OR51A4: variants seen among roughly 807,000 people sequenced by gnomAD.
OR51A4 encodes the protein olfactory receptor family 51 subfamily A member 4.
For missense variants in OR51A4, 243 were observed against 364.0 expected (o/e 0.67, Z 2.70); for synonymous variants, 96 against 141.5 (o/e 0.68, Z 2.28).
rs1846317244 is a variant in OR51A4 at position 4,946,788 on chromosome 11, A to C, written c.313T>G (p.Phe105Val). The C allele has an allele frequency of 6.3e-7, 1 of 1,587,686 alleles. No individual in the cohort carries two copies. Among genetic ancestry groups the C allele is most frequent in the Non-Finnish European group, 8.6e-7 (1 of 1,160,788 alleles). Reference protein sequence around the residue: ...SSNACFAQEFFIHGFSVLESS... With the variant: ...SSNACFAQEFVIHGFSVLESS... ...TCCAGTACTGAGAATCCATGAATGA[A>C]GAATTCCTGGGCAAAGCAGGCATTG... The change falls in exon 2 of 2, where the codon TTC becomes GTC. Residue 105 changes from phenylalanine (F) to valine (V), a missense_variant. By Grantham distance (50) the Phe-to-Val change is conservative (BLOSUM62 -1). Transcript: ENST00000641898.
Position 4,946,219 on chromosome 11 carries a change from A to T in OR51A4, c.882T>A (p.Cys294Ter). The T allele has an allele frequency of 6.2e-7, 1 of 1,614,070 alleles. No homozygotes were observed. Among genetic ancestry groups the T allele is most frequent in the Non-Finnish European group, 8.5e-7 (1 of 1,180,036 alleles). Residue 294 changes from cysteine to a stop codon, truncating the protein, a stop_gained, in exon 2 of 2, where the codon TGT becomes TGA. Coordinates refer to ENST00000641898, the MANE Select transcript of OR51A4 (RefSeq NM_001005329.2). LOFTEE classifies it low-confidence loss of function (END_TRUNC). ...VPPLTNPIVY[C>*]VKTKQIRVRV... ...TCACTCTAATCTGTTTAGTTTTTACACAATAAACAATTGGGTTCGTCAGTG... is the reference window on the plus strand; with the variant it reads ...TCACTCTAATCTGTTTAGTTTTTACTCAATAAACAATTGGGTTCGTCAGTG...
In OR51A4 at chr11:4,946,167, T is replaced by A; in HGVS notation, c.934A>T (p.Lys312Ter). Residue 312 changes from lysine to a stop codon, truncating the protein, a stop_gained, in exon 2 of 2, where the codon AAG (lysine) becomes TAG (stop). Coordinates refer to ENST00000641898, the MANE Select transcript of OR51A4 (RefSeq NM_001005329.2). LOFTEE classifies it high-confidence loss of function. ...VRVVAKLCQR[K>*]I Reference sequence around the variant, plus strand: ...TCTGTCACATATGACTGTTAAATCTTCCGTTGACACAATTTTGCTACAACT... The same window carrying A: ...TCTGTCACATATGACTGTTAAATCTACCGTTGACACAATTTTGCTACAACT... 2 of 1,613,756 alleles carry A rather than the reference T, an allele frequency of 1.2e-6. No individual in the cohort carries two copies. Among genetic ancestry groups the A allele is most frequent in the Non-Finnish European group, 8.5e-7 (1 of 1,179,802 alleles).
Position 4,946,461 on chromosome 11 carries a change from G to C in OR51A4, c.640C>G (p.Leu214Val), listed in dbSNP as rs1846307060. The change falls in exon 2 of 2, where the codon CTC becomes GTC. Residue 214 changes from leucine (L) to valine (V), a missense_variant. Leu to Val is a conservative substitution (Grantham distance 32). Coordinates refer to ENST00000641898, the MANE Select transcript of OR51A4 (RefSeq NM_001005329.2). The part of the protein sequence containing the change: ...GALCLMVDFI[L>V]IAVSYTLILK... ...ATCAGGGTGTAAGACACAGCAATGA[G>C]AATAAAGTCTACCATAAGGCAGAGT... 1 of 1,609,484 alleles carries C rather than the reference G, an allele frequency of 6.2e-7. No individual in the cohort carries two copies. Among genetic ancestry groups the C allele is most frequent in the African/African-American group, 1.3e-5 (1 of 74,470 alleles).
rs148009587 is a variant in OR51A4 at position 4,943,581 on chromosome 11, C to T, written c.*2578G>A. On this transcript the variant is annotated 3_prime_UTR_variant, in exon 2 of 2. Transcript: ENST00000641898. The stretch of plus-strand genomic sequence containing the variant: ...ATTAAAGAATGGTTAGTAGCGTCTC[C>T]GGCCTCTAATCAGTGGAAGTCAGTG... The T allele has an allele frequency of 3.5e-5, 15 of 422,736 alleles. No homozygotes were observed. Among genetic ancestry groups the T allele is most frequent in the South Asian group, 1.7e-4 (10 of 58,574 alleles). 26.2% of individuals were successfully genotyped at this position (422,736 alleles called of 1,614,324 possible).
chr11:4,945,735 T>C lies in OR51A4; in HGVS notation c.*424A>G, dbSNP rs76530186. ...AGCACATGTATCCCAATATGGAATATAAATGATTAAATTAAAAAAATGGTT... is the reference window on the plus strand; with the variant it reads ...AGCACATGTATCCCAATATGGAATACAAATGATTAAATTAAAAAAATGGTT... On this transcript the variant is annotated 3_prime_UTR_variant, in exon 2 of 2. Coordinates refer to ENST00000641898, the MANE Select transcript of OR51A4 (RefSeq NM_001005329.2). 1,527 of 231,208 alleles carry C rather than the reference T, an allele frequency of 6.6e-3. 22 individuals are homozygous for C. The highest frequency in any genetic ancestry group is 0.034 in the African/African-American group (1,447 of 42,434). 14.3% of individuals were successfully genotyped at this position (231,208 alleles called of 1,614,324 possible). A position where few individuals can be genotyped will look rare whatever the true frequency, so the allele number is the denominator to read the frequency against.
rs1218806561 is a variant in OR51A4, at chr11:4,943,823, CTTTAT to C, written c.*2331_*2335del. The stretch of plus-strand genomic sequence containing the variant: ...ACCTCCCCCATTGAGATTTATGTAT[CTTTAT>C]TTTATTTTTCATTTCATTTTATTAA... On this transcript the variant is annotated 3_prime_UTR_variant, in exon 2 of 2. Coordinates refer to ENST00000641898, the MANE Select transcript of OR51A4 (RefSeq NM_001005329.2). The C allele has an allele frequency of 2.3e-6, 1 of 442,672 alleles. No individual in the cohort carries two copies. Among genetic ancestry groups the C allele is most frequent in the Non-Finnish European group, 4.5e-6 (1 of 222,090 alleles). The allele number at this position is 442,672 out of a possible 1,614,324, so 27.4% of individuals were successfully genotyped here.
In OR51A4 at chr11:4,946,965, T is replaced by C; in HGVS notation, c.136A>G (p.Thr46Ala). 1 of 1,604,304 alleles carries C rather than the reference T, an allele frequency of 6.2e-7. No individual in the cohort carries two copies. The highest frequency in any genetic ancestry group is 1.4e-5 in the African/African-American group (1 of 72,806). ...TCTGTCTTGATGATAAAAAGAATGG[T>C]GCCATTTCCTAGAATAGCAATAAGA... ...MYLIAILGNG[T>A]ILFIIKTEPS... The change falls in exon 2 of 2, where the codon ACC (threonine) becomes GCC (alanine). Residue 46 changes from threonine (T) to alanine (A), a missense_variant. By Grantham distance (58) the Thr-to-Ala change is moderately conservative. Coordinates refer to ENST00000641898, the MANE Select transcript of OR51A4 (RefSeq NM_001005329.2).
chr11:4,946,956 A>T lies in OR51A4; in HGVS notation c.145T>A (p.Phe49Ile). ...AAGGAGGGCTCTGTCTTGATGATAA[A>T]AAGAATGGTGCCATTTCCTAGAATA... ...IAILGNGTIL[F>I]IIKTEPSLHE... Residue 49 changes from phenylalanine to isoleucine, a missense_variant, in exon 2 of 2, where the codon TTT (phenylalanine) becomes ATT (isoleucine). By Grantham distance (21) the Phe-to-Ile change is conservative (BLOSUM62 0). Transcript: ENST00000641898. 1.2e-6 allele frequency: 2 copies of T among 1,605,586 alleles called. No homozygotes were observed. Among genetic ancestry groups the T allele is most frequent in the Admixed American group, 3.4e-5 (2 of 58,990 alleles).
rs1421109845 is a variant in OR51A4, at chr11:4,947,498, T to C, written c.-63+47A>G. 2.8e-5 allele frequency: 4 copies of C among 143,978 alleles called. 2 individuals are homozygous for C. The highest frequency in any genetic ancestry group is 6.0e-5 in the Non-Finnish European group (4 of 66,326). 8.9% of individuals were successfully genotyped at this position (143,978 alleles called of 1,614,324 possible). A position where few individuals can be genotyped will look rare whatever the true frequency, so the allele number is the denominator to read the frequency against. On this transcript the variant is annotated intron_variant, in intron 1 of 1. Transcript: ENST00000641898. ...GTTCTATGTGATTAATTGCCAGTAA[T>C]AATAGTCAAATGAAAGCTAAATAAA...
Position 4,945,369 on chromosome 11 carries a change from G to C in OR51A4, c.*790C>G, listed in dbSNP as rs912780630. The C allele has an allele frequency of 6.6e-6, 1 of 152,166 alleles. No individual in the cohort carries two copies. Among genetic ancestry groups the C allele is most frequent in the African/African-American group, 2.4e-5 (1 of 41,448 alleles). The allele number at this position is 152,166 out of a possible 1,614,324, so 9.4% of individuals were successfully genotyped here. A position where few individuals can be genotyped will look rare whatever the true frequency, so the allele number is the denominator to read the frequency against. ...CAAAAACTGTTCAGTAGGTTGATGT[G>C]GCTGGAGATTAATGAGTATCTGACG... On this transcript the variant is annotated 3_prime_UTR_variant, in exon 2 of 2. Transcript: ENST00000641898.
Position 4,945,109 on chromosome 11 carries a change from T to A in OR51A4, c.*1050A>T, listed in dbSNP as rs1423684534. The stretch of plus-strand genomic sequence containing the variant: ...CTGTAATTGCAAATATTAAGTATAA[T>A]AAAGAATAAAGAATAAACCAGCAAT... On this transcript the variant is annotated 3_prime_UTR_variant, in exon 2 of 2. Coordinates refer to ENST00000641898, the MANE Select transcript of OR51A4 (RefSeq NM_001005329.2). 1 of 151,198 alleles carries A rather than the reference T, an allele frequency of 6.6e-6. No individual in the cohort carries two copies. The highest frequency in any genetic ancestry group is 1.5e-5 in the Non-Finnish European group (1 of 67,778). 9.4% of individuals were successfully genotyped at this position (151,198 alleles called of 1,614,324 possible).
At position 4,946,024 on chromosome 11, in the gene OR51A4, T is replaced by C; in HGVS notation, c.*135A>G. ...TATAGTTCTATTCTCATTCGCAGTA[T>C]CCAGAGTGAATAAAATAACTCTATG... is the stretch of plus-strand genomic sequence containing the variant. On this transcript the variant is annotated 3_prime_UTR_variant, in exon 2 of 2. Coordinates refer to ENST00000641898, the MANE Select transcript of OR51A4 (RefSeq NM_001005329.2). The C allele has an allele frequency of 1.2e-6, 1 of 813,380 alleles. No individual in the cohort carries two copies. The highest frequency in any genetic ancestry group is 2.0e-6 in the Non-Finnish European group (1 of 504,246). 50.4% of individuals were successfully genotyped at this position (813,380 alleles called of 1,614,324 possible). A position where few individuals can be genotyped will look rare whatever the true frequency, so the allele number is the denominator to read the frequency against.
Position 4,944,019 on chromosome 11 carries a change from AG to A in OR51A4, c.*2139del. The A allele has an allele frequency of 2.4e-6, 1 of 424,622 alleles. No individual in the cohort carries two copies. The highest frequency in any genetic ancestry group is 4.6e-6 in the Non-Finnish European group (1 of 215,322). 26.3% of individuals were successfully genotyped at this position (424,622 alleles called of 1,614,324 possible). On this transcript the variant is annotated 3_prime_UTR_variant, in exon 2 of 2. Transcript: ENST00000641898. ...TTGGGCTGCCTATCCGCACACTGGGAGAATATGAGCTTCTATTTCTTTCAAT... is the reference window on the plus strand; with the variant it reads ...TTGGGCTGCCTATCCGCACACTGGGAAATATGAGCTTCTATTTCTTTCAAT...
Position 4,946,425 on chromosome 11 carries a change from C to T in OR51A4, c.676G>A (p.Val226Ile). The T allele has an allele frequency of 1.2e-6, 2 of 1,609,584 alleles. No homozygotes were observed. Among genetic ancestry groups the T allele is most frequent in the Non-Finnish European group, 1.7e-6 (2 of 1,176,484 alleles). ...AVSYTLILKT[V>I]LGIASKKEQL... is the part of the protein sequence containing the mutation. ...TCCTTTTTGGATGCAATTCCCAGTA[C>T]AGTCTTGAGGATCAGGGTGTAAGAC... is the stretch of plus-strand genomic sequence containing the variant. Residue 226 changes from valine to isoleucine, a missense_variant, in exon 2 of 2, where the codon GTA becomes ATA. Val to Ile is a conservative substitution (Grantham distance 29). Coordinates refer to ENST00000641898, the MANE Select transcript of OR51A4 (RefSeq NM_001005329.2).
At position 4,946,753 on chromosome 11, in the gene OR51A4, G is replaced by A; in HGVS notation, c.348C>T (p.Val116=). 2.5e-6 allele frequency: 4 copies of A among 1,588,426 alleles called. No homozygotes were observed. The highest frequency in any genetic ancestry group is 3.4e-6 in the Non-Finnish European group (4 of 1,161,098). ...IHGFSVLESS[V]LLIMSFDRFL... Reference sequence around the variant, plus strand: ...ATCTATCAAATGACATGATCAGGAGGACTGAGGACTCCAGTACTGAGAATC... The same window carrying A: ...ATCTATCAAATGACATGATCAGGAGAACTGAGGACTCCAGTACTGAGAATC... The change falls in exon 2 of 2, where the codon GTC becomes GTT. Residue 116 remains valine, a synonymous_variant. Coordinates refer to ENST00000641898, the MANE Select transcript of OR51A4 (RefSeq NM_001005329.2).
rs1252090769 is a variant in OR51A4 at position 4,946,354 on chromosome 11, C to T, written c.747G>A (p.Val249=). 6 of 1,613,728 alleles carry T rather than the reference C, an allele frequency of 3.7e-6. No homozygotes were observed. The Admixed American group carries it at 6.7e-5, about 18-fold the overall frequency. ...TGATGATGGGCAGGTAGAAGATGAT[C>T]ACTGCACAGATGTGTGAAACACAAG... The part of the protein sequence containing the change: ...LNTCVSHICA[V]IIFYLPIINL... The change falls in exon 2 of 2, where the codon GTG becomes GTA. Residue 249 remains valine (V), a synonymous_variant. Transcript: ENST00000641898.
rs1236393265 is a variant in OR51A4 at position 4,944,471 on chromosome 11, TACAA to T, written c.*1684_*1687del. On this transcript the variant is annotated 3_prime_UTR_variant, in exon 2 of 2. Transcript: ENST00000641898. ...GCATATCCTGCATAAATTAGAGGTT[TACAA>T]ACAATGTTTGTATCTATAAAGATTT... is the stretch of plus-strand genomic sequence containing the variant. 1 of 156,816 alleles carries T rather than the reference TACAA, an allele frequency of 6.4e-6. No homozygotes were observed. The highest frequency in any genetic ancestry group is 1.4e-5 in the Non-Finnish European group (1 of 71,432). The allele number at this position is 156,816 out of a possible 1,614,324, so 9.7% of individuals were successfully genotyped here. A position where few individuals can be genotyped will look rare whatever the true frequency, so the allele number is the denominator to read the frequency against.
chr11:4,945,628 GAA>G lies in OR51A4; in HGVS notation c.*529_*530del, dbSNP rs1393773374. On this transcript the variant is annotated 3_prime_UTR_variant, in exon 2 of 2. Coordinates refer to ENST00000641898, the MANE Select transcript of OR51A4 (RefSeq NM_001005329.2). Reference sequence around the variant, plus strand: ...TGCAGACTACTGGTGGGGCAAGAGTGAAAGAGGCAGGATTGGACTGAAAAACT... The same window carrying G: ...TGCAGACTACTGGTGGGGCAAGAGTGAGAGGCAGGATTGGACTGAAAAACT... The G allele has an allele frequency of 2.5e-5, 4 of 159,544 alleles. No individual in the cohort carries two copies. The highest frequency in any genetic ancestry group is 4.2e-5 in the Non-Finnish European group (3 of 72,236). 9.9% of individuals were successfully genotyped at this position (159,544 alleles called of 1,614,324 possible). A position where few individuals can be genotyped will look rare whatever the true frequency, so the allele number is the denominator to read the frequency against.
chr11:4,944,038 C>A lies in OR51A4; in HGVS notation c.*2121G>T. 4.6e-6 allele frequency: 2 copies of A among 432,234 alleles called. No homozygotes were observed. The highest frequency in any genetic ancestry group is 1.7e-5 in the South Asian group (1 of 59,118). 26.8% of individuals were successfully genotyped at this position (432,234 alleles called of 1,614,324 possible). On this transcript the variant is annotated 3_prime_UTR_variant, in exon 2 of 2. Coordinates refer to ENST00000641898, the MANE Select transcript of OR51A4 (RefSeq NM_001005329.2). The stretch of plus-strand genomic sequence containing the variant: ...ACTGGGAGAATATGAGCTTCTATTT[C>A]TTTCAATTAATAAAATATGTCAACT...
Sources: gnomAD v4.1 joint callset for allele counts on GRCh38, gnomAD v4.1.1 for gene constraint, MANE v1.5 for transcripts, NCBI Gene and HGNC (gene_info 2026-07-23, HGNC 2026-07-21) for gene names.